The following ETFRF1 variants were observed in gnomAD, a reference collection of about 807,000 sequenced individuals.
The protein encoded by ETFRF1 is LYR motif containing 5.
A neutral mutation model predicts 9.0 loss-of-function variants in ETFRF1; 12 were observed. The observed-to-expected ratio is 1.34, with a 90% CI of 0.86 to 2.16. The LOEUF is 2.16. Ranked by LOEUF, ETFRF1 falls within the 30% of genes most tolerant of loss-of-function variation. ETFRF1 has a pLI of 0.00. For missense variants in ETFRF1, 98 were observed against 101.8 expected (o/e 0.96, Z 0.16); for synonymous variants, 34 against 33.2 (o/e 1.02, Z -0.08).
intron 1 of ETFRF1, among the ~76,000 whole-genome samples, chr12:25,197,600 G>A (rs1340190257): frequency 2.0e-5 from 3 of 151,974 alleles, no homozygotes; most frequent in African/African-American, 7.3e-5. Context: ...AAATAGCTGA[G>A]ACTACAGGCA....
Position 25,204,210 on chromosome 12 carries a change from A to C in ETFRF1, c.171A>C (p.Ala57=), listed in dbSNP as rs1368662060. Residue 57 remains alanine (A), a synonymous_variant, in exon 3 of 3, where the codon GCA becomes GCC. Coordinates refer to ENST00000381356, the MANE Select transcript of ETFRF1 (RefSeq NM_001001660.3). ...CAGAGAAGATCAAAGAACTTATTGCACAGGGCGAATTTGTAATGAAAGAGC... is the reference window on the plus strand; with the variant it reads ...CAGAGAAGATCAAAGAACTTATTGCCCAGGGCGAATTTGTAATGAAAGAGC... ...KNPEKIKELI[A]QGEFVMKELE... is the part of the protein sequence containing the mutation. 6.2e-7 allele frequency: 1 copy of C among 1,612,890 alleles called. No individual in the cohort carries two copies.
chr12:25,196,273 C>T (rs762558132), intron 1 of ETFRF1: 1 of 152,202 alleles, frequency 6.6e-6, no homozygotes, highest in Non-Finnish European at 1.5e-5. Flanking sequence ...AGTTCTTACT[C>T]AGTTTACCAT....
intron 1 of ETFRF1, among the ~76,000 whole-genome samples, chr12:25,202,097 G>A (rs1231322323): frequency 8.9e-6 from 1 of 111,888 alleles, no homozygotes; most frequent in Non-Finnish European, 1.9e-5. Context: ...GCCAGGCGTG[G>A]TGGCGCGCAC....
At chr12:25,200,369 T>G (rs151307606) in intron 1 of ETFRF1, among the ~76,000 whole-genome samples, 3 of 152,078 alleles carry the variant, frequency 2.0e-5, no homozygotes, top group African/African-American at 7.2e-5. Context: ...TTTCCCAAAT[T>G]GAAGGAAACA....
intron 1 of ETFRF1, among the ~76,000 whole-genome samples, chr12:25,199,377 T>C (rs553507627): frequency 6.7e-6 from 1 of 149,514 alleles, no homozygotes; most frequent in African/African-American, 2.4e-5. Context: ...TACATAACTA[T>C]ATATGTACTA....
At chr12:25,202,888 C>T (rs777704306) in intron 1 of ETFRF1, among the ~76,000 whole-genome samples, 27 of 152,142 alleles carry the variant, frequency 1.8e-4, no homozygotes, top group Non-Finnish European at 3.4e-4. Context: ...TACACACATA[C>T]AACACCTAAA....
intron 1 of ETFRF1, among the ~76,000 whole-genome samples, chr12:25,201,049 T>G (rs1951069732): frequency 1.3e-5 from 2 of 152,342 alleles, no homozygotes; most frequent in South Asian, 4.1e-4. Flanking sequence ...GGTGATGAAA[T>G]TCCTGCTCTC....
At chr12:25,199,296 G>A (rs1366270888) in intron 1 of ETFRF1, among the ~76,000 whole-genome samples, 1 of 147,614 alleles carries the variant, frequency 6.8e-6, no homozygotes, top group Non-Finnish European at 1.5e-5. Context: ...ATACTACGTA[G>A]TATGTACTAC....
chr12:25,198,229 G>GA (rs1395659025), intron 1 of ETFRF1, among the ~76,000 whole-genome samples: 1 of 152,128 alleles, frequency 6.6e-6, no homozygotes, highest in East Asian at 1.9e-4. Flanking sequence ...AAGCACACTG[G>GA]AAACAAAGTT....
intron 1 of ETFRF1, chr12:25,196,301 G>C (rs929512403): frequency 6.6e-6 from 1 of 152,198 alleles, no homozygotes; most frequent in Non-Finnish European, 1.5e-5. Flanking sequence ...TGATATGAAA[G>C]TTAAGGCTTC....
rs1378175246 is a variant in ETFRF1 at position 25,204,113 on chromosome 12, A to T, written c.74A>T (p.Tyr25Phe). 1 of 1,594,260 alleles carries T rather than the reference A, an allele frequency of 6.3e-7. No homozygotes were observed. Among genetic ancestry groups the T allele is most frequent in the African/African-American group, 1.3e-5 (1 of 74,570 alleles). ...AAGCTGCTGTATCTTGGACGAGACT[A>T]TCCAAAAGGAGCAGACTATTTTAAA... ...YKNLLYLGRD[Y>F]PKGADYFKKR... is the part of the protein sequence containing the mutation. Residue 25 changes from tyrosine (Y) to phenylalanine (F), a missense_variant, in exon 3 of 3, where the codon TAT (tyrosine) becomes TTT (phenylalanine). Transcript: ENST00000381356.
chr12:25,198,397 C>G (rs1176978352), intron 1 of ETFRF1, among the ~76,000 whole-genome samples: 3 of 152,060 alleles, frequency 2.0e-5, no homozygotes, highest in Non-Finnish European at 4.4e-5. Context: ...CCCAGAGCAC[C>G]CTAAGTGAAG....
At chr12:25,199,574 T>A (rs1028391842) in intron 1 of ETFRF1, among the ~76,000 whole-genome samples, 1 of 150,340 alleles carries the variant, frequency 6.7e-6, no homozygotes, top group African/African-American at 2.4e-5. Flanking sequence ...CTATATAGTA[T>A]CTATACTAAT....
chr12:25,195,286 G>C lies in ETFRF1; in HGVS notation c.-89G>C, dbSNP rs540560690. ...AACGCCACCCCGCTTCGCAGTAGAC[G>C]GACAGAGGAGTCGTAGCGGTCGAGG... On this transcript the variant is annotated 5_prime_UTR_variant, in exon 1 of 3. Transcript: ENST00000381356. 8.0e-6 allele frequency: 5 copies of C among 626,064 alleles called. No homozygotes were observed. Among genetic ancestry groups the C allele is most frequent in the South Asian group, 1.9e-5 (1 of 53,638 alleles). 38.8% of individuals were successfully genotyped at this position (626,064 alleles called of 1,614,324 possible).
intron 1 of ETFRF1, 55 bp from the exon 2 acceptor site, chr12:25,203,865 T>C: frequency 2.0e-6 from 2 of 1,010,156 alleles, no homozygotes; most frequent in Non-Finnish European, 2.7e-6. Context: ...TAACCTTTTT[T>C]TATTTTTTTA....
rs1951114478 is a variant in ETFRF1, at chr12:25,204,722, C to CTTAT, written c.*413_*416dup. On this transcript the variant is annotated 3_prime_UTR_variant, in exon 3 of 3. Transcript: ENST00000381356. ...TTCTCTTAACTTTTGAAAGGAATCC[C>CTTAT]TTATTTTTTCACCCAATTTGGTATA... 1.1e-5 allele frequency: 2 copies of CTTAT among 183,636 alleles called. No homozygotes were observed. The highest frequency in any genetic ancestry group is 2.3e-5 in the African/African-American group (1 of 42,618). The allele number at this position is 183,636 out of a possible 1,614,324, so 11.4% of individuals were successfully genotyped here. A position where few individuals can be genotyped will look rare whatever the true frequency, so the allele number is the denominator to read the frequency against.
chr12:25,202,836 A>C (rs543186981), intron 1 of ETFRF1, among the ~76,000 whole-genome samples: 1 of 152,192 alleles, frequency 6.6e-6, no homozygotes, highest in Admixed American at 6.5e-5. Context: ...ATTGGAATTG[A>C]ATGTTAGGTA....
In ETFRF1 at chr12:25,204,208, G is replaced by C. The variant is rs745966132; in HGVS notation, c.169G>C (p.Ala57Pro). 6 of 1,612,904 alleles carry C rather than the reference G, an allele frequency of 3.7e-6. No homozygotes were observed. Among genetic ancestry groups the C allele is most frequent in the Non-Finnish European group, 5.1e-6 (6 of 1,179,522 alleles). ...TCCAGAGAAGATCAAAGAACTTATT[G>C]CACAGGGCGAATTTGTAATGAAAGA... is the stretch of plus-strand genomic sequence containing the variant. ...KNPEKIKELIAQGEFVMKELE... is the reference protein window; with the variant it reads ...KNPEKIKELIPQGEFVMKELE... The change falls in exon 3 of 3, where the codon GCA (alanine) becomes CCA (proline). Residue 57 changes from alanine (A) to proline (P), a missense_variant. Transcript: ENST00000381356.
At chr12:25,198,593 C>G (rs893941920) in intron 1 of ETFRF1, among the ~76,000 whole-genome samples, 1 of 151,792 alleles carries the variant, frequency 6.6e-6, no homozygotes, top group Non-Finnish European at 1.5e-5. Context: ...CAAAAGCAAG[C>G]AGAAAAGCAA....
Sources: allele counts gnomAD v4.1 joint callset (sites outside exome capture counted in the v4.1 genomes callset), GRCh38; gene constraint gnomAD v4.1.1; transcripts MANE v1.5; gene names NCBI Gene and HGNC (gene_info 2026-07-23, HGNC 2026-07-21).